ANKFY1: variants seen among roughly 807,000 people sequenced by gnomAD.
ANKFY1 encodes the protein ankyrin repeat and FYVE domain-containing protein 1.
In ANKFY1, 47 loss-of-function variants were observed where a neutral mutation model predicts 128.3. That is an observed-to-expected ratio of 0.37 (90% CI 0.29 to 0.47). The LOEUF (loss-of-function observed/expected upper bound fraction) is 0.47. Ranked by LOEUF, ANKFY1 falls within the 20% of genes least tolerant of loss-of-function variation. The pLI is 1.00. For missense variants in ANKFY1, 1,222 were observed against 1,510.6 expected, an observed-to-expected ratio of 0.81 and a Z score of 3.17; for synonymous variants, 553 against 601.6, an observed-to-expected ratio of 0.92 and a Z score of 1.18.
chr17:4,222,345 C>T (rs2060338848), intron 3 of ANKFY1: 1 of 744,096 alleles, frequency 1.3e-6, no homozygotes, highest in Non-Finnish European at 2.5e-6. Flanking sequence ...TGACAAATGA[C>T]CTTATTATTC....
At chr17:4,238,656 T>C (rs1323704102) in intron 2 of ANKFY1, among the ~76,000 whole-genome samples, 1 of 151,834 alleles carries the variant, frequency 6.6e-6, no homozygotes, top group Non-Finnish European at 1.5e-5. Context: ...GTATTTTTAG[T>C]AGAGACAGAG....
intron 1 of ANKFY1, among the ~76,000 whole-genome samples, chr17:4,261,450 C>T (rs1275894200): frequency 2.6e-5 from 4 of 152,130 alleles, no homozygotes; most frequent in Admixed American, 6.5e-5. Flanking sequence ...ATTGCACTCC[C>T]GCCTGGGCAA....
chr17:4,176,095 T>G (rs4790181), intron 19 of ANKFY1, among the ~76,000 whole-genome samples: 138,635 of 152,110 alleles, frequency 0.91, 64,601 homozygotes, highest in East Asian at 1. Context: ...GGCACCATCA[T>G]ACCCACCGCT....
chr17:4,239,255 T>C (rs1349569287), intron 2 of ANKFY1, among the ~76,000 whole-genome samples: 1 of 152,130 alleles, frequency 6.6e-6, no homozygotes, highest in East Asian at 1.9e-4. Context: ...GGCATTCTAA[T>C]GGGAAAGAGC....
At chr17:4,245,328 C>T (rs911544803) in intron 1 of ANKFY1, among the ~76,000 whole-genome samples, 3 of 152,092 alleles carry the variant, frequency 2.0e-5, no homozygotes, top group East Asian at 1.9e-4. Context: ...ACCTCAGCCT[C>T]GAGAGTAGCT....
At chr17:4,168,941 G>C (rs576663196) in intron 24 of ANKFY1, 2 of 486,716 alleles carry the variant, frequency 4.1e-6, no homozygotes, top group Non-Finnish European at 7.6e-6. Context: ...GATGGCACAG[G>C]CCTGGCAGGC....
chr17:4,232,230 G>A (rs546136087), intron 3 of ANKFY1, among the ~76,000 whole-genome samples: 6 of 152,240 alleles, frequency 3.9e-5, no homozygotes, highest in African/African-American at 1.4e-4. Context: ...TTATACACCT[G>A]TTTACAAGAA....
chr17:4,257,005 T>C (rs1968165730), intron 1 of ANKFY1, among the ~76,000 whole-genome samples: 1 of 152,196 alleles, frequency 6.6e-6, no homozygotes, highest in Admixed American at 6.6e-5. Flanking sequence ...AACTTAGACA[T>C]CACCACATAG....
chr17:4,196,144 TACACACACAC>T (rs35005172), intron 8 of ANKFY1, among the ~76,000 whole-genome samples: 5,085 of 83,848 alleles, frequency 0.061, 200 homozygotes, highest in East Asian at 0.11. Flanking sequence ...CTGCATCTAC[TACACACACAC>T]ACACACACAC....
intron 19 of ANKFY1, among the ~76,000 whole-genome samples, chr17:4,175,681 G>A (rs1006648741): frequency 6.6e-6 from 1 of 152,176 alleles, no homozygotes; most frequent in East Asian, 1.9e-4. Context: ...ATCACTGATC[G>A]ATAAGACATA....
chr17:4,172,578 C>T lies in ANKFY1; in HGVS notation c.3117G>A (p.Lys1039=). ...LECMPGYPLD[K]PDADGSTVLL... ...CACCCGTGCTGCCGTCTGCATCCGG[C>T]TTGTCCAGAGGATACCCCGGCATGC... is the stretch of plus-strand genomic sequence containing the variant. The change falls in exon 22 of 25, where the codon AAG becomes AAA. Residue 1039 remains lysine, a synonymous_variant. Transcript: ENST00000341657. The T allele has an allele frequency of 6.2e-7, 1 of 1,613,970 alleles. No homozygotes were observed. Among genetic ancestry groups the T allele is most frequent in the South Asian group, 1.1e-5 (1 of 91,070 alleles).
intron 21 of ANKFY1, among the ~76,000 whole-genome samples, chr17:4,172,902 C>G (rs2059346967): frequency 6.6e-6 from 1 of 152,258 alleles, no homozygotes; most frequent in Non-Finnish European, 1.5e-5. Context: ...CTCTGTCACC[C>G]AGGCTGGAGT....
At chr17:4,174,134 T>C in intron 19 of ANKFY1, 78 bp from the exon 20 acceptor site, 3 of 1,531,860 alleles carry the variant, frequency 2.0e-6, no homozygotes, top group Non-Finnish European at 2.7e-6. Context: ...AGCCTGCTTG[T>C]CTTCTGACAC....
chr17:4,241,470 C>T (rs1347903798), intron 2 of ANKFY1, among the ~76,000 whole-genome samples: 5 of 151,376 alleles, frequency 3.3e-5, no homozygotes, highest in Non-Finnish European at 7.4e-5. Context: ...TTTGTAGAGA[C>T]GGGGTTTCAC....
chr17:4,221,035 T>C (rs2060302168), intron 3 of ANKFY1, among the ~76,000 whole-genome samples: 1 of 152,256 alleles, frequency 6.6e-6, no homozygotes, highest in South Asian at 2.1e-4. Flanking sequence ...TTCGTTTCAC[T>C]GCAGGCCAGG....
rs1968566370 is a variant in ANKFY1 at position 4,263,921 on chromosome 17, A to G, written c.10+11T>C. 6.2e-7 allele frequency: 1 copy of G among 1,613,808 alleles called. No individual in the cohort carries two copies. On this transcript the variant is annotated intron_variant, in intron 1 of 24. Transcript: ENST00000341657. ...CGTGTCTTCCCGCGCGGCTCCACAA[A>G]AAAACCCTACCTTCCGCCATGTCTG...
At chr17:4,254,304 A>AG in intron 1 of ANKFY1, among the ~76,000 whole-genome samples, 1 of 20,596 alleles carries the variant, frequency 4.9e-5, no homozygotes, top group Non-Finnish European at 1.2e-4. Context: ...ACTCCATCTC[A>AG]AAAAAAAAAA....
At chr17:4,219,949 C>T (rs557997145) in intron 3 of ANKFY1, among the ~76,000 whole-genome samples, 5 of 152,116 alleles carry the variant, frequency 3.3e-5, no homozygotes, top group African/African-American at 9.6e-5. Flanking sequence ...AGACTCCCAA[C>T]GTAGCTGGGA....
At chr17:4,183,703 C>A in intron 13 of ANKFY1, 109 bp downstream of exon 13, 1 of 1,411,476 alleles carries the variant, frequency 7.1e-7, no homozygotes, top group South Asian at 1.2e-5. Flanking sequence ...ATTTTACAAC[C>A]AAATGATTAG....
Sources: allele counts gnomAD v4.1 joint callset (sites outside exome capture counted in the v4.1 genomes callset), GRCh38; gene constraint gnomAD v4.1.1; transcripts MANE v1.5; gene names NCBI Gene and HGNC (gene_info 2026-07-23, HGNC 2026-07-21).